Variants in SLC37A3 observed in about 807,000 individuals in gnomAD.
The protein encoded by SLC37A3 is sugar phosphate exchanger 3.
SLC37A3 carries 51 observed loss-of-function variants against 67.1 expected under a neutral mutation model. That is an observed-to-expected ratio of 0.76 (90% CI 0.61 to 0.96). The LOEUF is 0.96. Ranked by LOEUF, SLC37A3 falls within the 40% of genes least tolerant of loss-of-function variation. The probability of loss-of-function intolerance (pLI) is 0.00; values close to 1 mark genes in which losing one functional copy is unlikely to be tolerated. For synonymous variants in SLC37A3, 214 were observed against 231.4 expected, an observed-to-expected ratio of 0.92 and a Z score of 0.68; for missense variants, 508 against 603.0, an observed-to-expected ratio of 0.84 and a Z score of 1.65.
At chr7:140,342,995 C>T (rs991855666) in intron 13 of SLC37A3, among the ~76,000 whole-genome samples, 4 of 152,022 alleles carry the variant, frequency 2.6e-5, no homozygotes, top group Non-Finnish European at 4.4e-5. Flanking sequence ...CAGGAAGGAA[C>T]GTGTATGCAG....
chr7:140,355,732 C>T lies in SLC37A3; in HGVS notation c.554G>A (p.Cys185Tyr). The T allele has an allele frequency of 6.2e-7, 1 of 1,613,934 alleles. No homozygotes were observed. Among genetic ancestry groups the T allele is most frequent in the Non-Finnish European group, 8.5e-7 (1 of 1,179,928 alleles). Residue 185 changes from cysteine to tyrosine, a missense_variant, in exon 7 of 15, where the codon TGT becomes TAT. Coordinates refer to ENST00000326232, the MANE Select transcript of SLC37A3 (RefSeq NM_207113.3). ...TCCCAAAATGTTGCCCACCGAAGCA[C>T]AGGCACTCCAGAGACCAAAAACAAC... ...RGVVFGLWSACASVGNILGAC... is the reference protein window; with the variant it reads ...RGVVFGLWSAYASVGNILGAC...
intron 7 of SLC37A3, among the ~76,000 whole-genome samples, chr7:140,354,577 A>C (rs1383914443): frequency 6.6e-6 from 1 of 152,188 alleles, no homozygotes. Flanking sequence ...TTATTAAATG[A>C]ATAAGCAGTG....
At chr7:140,375,861 TCAAA>T (rs1247700905) in intron 3 of SLC37A3, among the ~76,000 whole-genome samples, 4 of 152,206 alleles carry the variant, frequency 2.6e-5, no homozygotes, top group Admixed American at 1.3e-4. Flanking sequence ...ACAGCTGACA[TCAAA>T]CAGTCTTTTC....
At chr7:140,361,521 C>A in intron 5 of SLC37A3, among the ~76,000 whole-genome samples, 1 of 94,438 alleles carries the variant, frequency 1.1e-5, no homozygotes, top group East Asian at 3.5e-4. Flanking sequence ...CCCTCCCCCT[C>A]CCCCTCCCCC....
chr7:140,335,540 AG>A (rs1191053531), intron 14 of SLC37A3, 36 bp from the exon 15 acceptor site: 1 of 1,602,716 alleles, frequency 6.2e-7, no homozygotes, highest in Non-Finnish European at 8.5e-7. Flanking sequence ...ATGCAGCAAC[AG>A]TTTACTTCTG....
intron 5 of SLC37A3, among the ~76,000 whole-genome samples, chr7:140,362,521 G>A (rs1276078222): frequency 2.8e-5 from 4 of 141,926 alleles, no homozygotes; most frequent in South Asian, 2.3e-4. Context: ...CCCTCTGCCC[G>A]GCCAGCCGCC....
intron 5 of SLC37A3, among the ~76,000 whole-genome samples, chr7:140,361,138 G>A (rs980190884): frequency 3.3e-5 from 5 of 151,746 alleles, no homozygotes; most frequent in Non-Finnish European, 7.4e-5. Flanking sequence ...GCTGAAAAGG[G>A]GACCATCCAA....
In SLC37A3 at chr7:140,368,046, C is replaced by G. The variant is rs560655572; in HGVS notation, c.291+1544G>C. Among the ~76,000 whole-genome samples, 35 of 151,854 alleles carry G rather than the reference C, an allele frequency of 2.3e-4. No homozygotes were observed. In the South Asian group the frequency reaches 3.8e-3, roughly 16 times the overall value. ...CCAGGATGGTCTCAAACTCCTGACC[C>G]CAAGTTATCCACCTGCCTCGGTCTC... On this transcript the variant is annotated intron_variant, in intron 4 of 14. Coordinates refer to ENST00000326232, the MANE Select transcript of SLC37A3 (RefSeq NM_207113.3).
In SLC37A3 at chr7:140,362,931, C is replaced by T. The variant is rs1222269283; in HGVS notation, c.375+1477G>A. ...GGGGGGGTCGGCCAGCCGCCCTGTC[C>T]GGGAGGGAGGTGGCGGGGTCAGCCC... On this transcript the variant is annotated intron_variant, in intron 5 of 14. Transcript: ENST00000326232. 5.1e-5 allele frequency among the ~76,000 whole-genome samples: 4 copies of T among 78,552 alleles called. 1 individual carries two copies. The highest frequency in any genetic ancestry group is 9.5e-5 in the African/African-American group (2 of 21,000). The allele number at this position is 78,552 out of a possible 152,430, so 51.5% of individuals were successfully genotyped here.
intron 3 of SLC37A3, among the ~76,000 whole-genome samples, chr7:140,372,018 A>G (rs1002040320): frequency 3.3e-5 from 5 of 151,966 alleles, no homozygotes; most frequent in African/African-American, 1.2e-4. Flanking sequence ...CACCCAGCTA[A>G]TTTTTGTATT....
chr7:140,354,973 G>A (rs1796963899), intron 7 of SLC37A3, among the ~76,000 whole-genome samples: 2 of 151,928 alleles, frequency 1.3e-5, no homozygotes, highest in Non-Finnish European at 2.9e-5. Flanking sequence ...TTGAACTCCT[G>A]GGCTCAAGTG....
chr7:140,354,566 T>C (rs1230375149), intron 7 of SLC37A3, among the ~76,000 whole-genome samples: 1 of 152,146 alleles, frequency 6.6e-6, no homozygotes, highest in Non-Finnish European at 1.5e-5. Flanking sequence ...GAGTTAAATA[T>C]TTATTAAATG....
chr7:140,365,728 A>T (rs554981575), intron 4 of SLC37A3, among the ~76,000 whole-genome samples: 2 of 152,230 alleles, frequency 1.3e-5, no homozygotes, highest in Admixed American at 6.6e-5. Context: ...CTCAAAAAAA[A>T]AATGAGAAGA....
At chr7:140,348,799 G>T (rs760062710) in intron 9 of SLC37A3, 32 bp from the exon 10 acceptor site, 1 of 1,608,448 alleles carries the variant, frequency 6.2e-7, no homozygotes, top group Middle Eastern at 1.7e-4. Context: ...ATCAGCGAGG[G>T]ACAAATAGCA....
rs114028084 is a variant in SLC37A3, at chr7:140,367,795, G to T, written c.291+1795C>A. On this transcript the variant is annotated intron_variant, in intron 4 of 14. Transcript: ENST00000326232. ...GCCACCGTGGAATGTCTCCCAGGGT[G>T]CTACCTCTCCAGGATCCCACCTTCC... Among the ~76,000 whole-genome samples, 739 of 149,072 alleles carry T rather than the reference G, an allele frequency of 5.0e-3. 17 individuals are homozygous for T. Among genetic ancestry groups the T allele is most frequent in the South Asian group, 0.049 (233 of 4,708 alleles).
chr7:140,381,636 T>C (rs1165383356), intron 2 of SLC37A3, among the ~76,000 whole-genome samples: 2 of 152,164 alleles, frequency 1.3e-5, no homozygotes, highest in East Asian at 1.9e-4. Flanking sequence ...ACTTACAGCA[T>C]GCCTCTAACA....
intron 4 of SLC37A3, among the ~76,000 whole-genome samples, chr7:140,367,090 A>G (rs1797630879): frequency 6.6e-6 from 1 of 151,892 alleles, no homozygotes; most frequent in African/African-American, 2.4e-5. Flanking sequence ...GTGAGCCAAG[A>G]TTGTGCCACT....
intron 3 of SLC37A3, 66 bp from the exon 4 acceptor site, chr7:140,369,748 G>T: frequency 7.5e-7 from 1 of 1,338,760 alleles, no homozygotes. Flanking sequence ...GTTTCCCAAA[G>T]CCCCTTCACA....
intron 5 of SLC37A3, among the ~76,000 whole-genome samples, chr7:140,360,062 G>C (rs1797204515): frequency 6.6e-6 from 1 of 152,208 alleles, no homozygotes; most frequent in African/African-American, 2.4e-5. Flanking sequence ...AAAAACAATA[G>C]TAGGCCAAAC....
Sources: gnomAD v4.1 joint callset for allele counts (sites outside exome capture counted in the v4.1 genomes callset) on GRCh38, gnomAD v4.1.1 for gene constraint, MANE v1.5 for transcripts, NCBI Gene and HGNC (gene_info 2026-07-23, HGNC 2026-07-21) for gene names.